Variants in BTBD1 observed in about 807,000 individuals in gnomAD.
BTBD1 encodes the protein BTB domain containing 1.
BTBD1 carries 34 observed loss-of-function variants against 48.0 expected under a neutral mutation model. That is an observed-to-expected ratio of 0.71 (90% confidence interval 0.54 to 0.94). The LOEUF is 0.94. BTBD1 is among the 40% of genes least tolerant of loss of function. BTBD1 has a pLI of 0.00. For synonymous variants in BTBD1, 261 were observed against 242.1 expected, an observed-to-expected ratio of 1.08 and a Z score of -0.72; for missense variants, 543 against 625.6, an observed-to-expected ratio of 0.87 and a Z score of 1.41.
intron 4 of BTBD1, among the ~76,000 whole-genome samples, chr15:83,036,563 AGC>A (rs1168197754): frequency 2.0e-5 from 3 of 152,198 alleles, no homozygotes; most frequent in African/African-American, 7.2e-5. Context: ...TCCATGACTT[AGC>A]AATTCCACTC....
In BTBD1 at chr15:83,066,692, CTCCCAGCCCGGCCCGGCCCGGCCCG is replaced by C. The variant is rs1400812643; in HGVS notation, c.401+34_401+58del. 903 of 1,234,634 alleles carry C rather than the reference CTCCCAGCCCGGCCCGGCCCGGCCCG, an allele frequency of 7.3e-4. 2 individuals are homozygous for C. The highest frequency in any genetic ancestry group is 1.3e-3 in the Admixed American group (24 of 18,452). The allele number at this position is 1,234,634 out of a possible 1,614,324, so 76.5% of individuals were successfully genotyped here. ...TCCGGGTAGGCCGGGCCCCGGGGAT[CTCCCAGCCCGGCCCGGCCCGGCCCG>C]GCCCGGCCCGGCCCGGCCCGCGCTG... On this transcript the variant is annotated intron_variant, in intron 1 of 7. Transcript: ENST00000261721.
intron 1 of BTBD1, among the ~76,000 whole-genome samples, chr15:83,059,146 ATC>A: frequency 6.6e-6 from 1 of 152,340 alleles, no homozygotes; most frequent in East Asian, 1.9e-4. Flanking sequence ...TTAAAAACTC[ATC>A]TAATTATCAG....
chr15:83,044,819 G>A, intron 3 of BTBD1: 1 of 1,128,508 alleles, frequency 8.9e-7, no homozygotes, highest in South Asian at 1.2e-5. Flanking sequence ...GAATGATCAA[G>A]CTCAGTTCAA....
At chr15:83,047,347 T>G (rs763478478) in intron 3 of BTBD1, among the ~76,000 whole-genome samples, 3 of 152,202 alleles carry the variant, frequency 2.0e-5, no homozygotes, top group Admixed American at 6.5e-5. Context: ...AGAAGGATCC[T>G]AATCAGAAGG....
chr15:83,018,806 GC>G lies in BTBD1; in HGVS notation c.1190del (p.Gly397AlafsTer19). The stretch of plus-strand genomic sequence containing the variant: ...TGTTAGCTGTCCCATCACAACTAAA[GC>G]CGGTATCATTCTGTCCCAGGGTTTG... ...KKQTLGQNDT[G>X]FSCDGTANTF... is the part of the protein sequence containing the mutation. On this transcript the variant is annotated frameshift_variant, in exon 7 of 8. Coordinates refer to ENST00000261721, the MANE Select transcript of BTBD1 (RefSeq NM_025238.4). LOFTEE classifies it high-confidence loss of function. The G allele has an allele frequency of 6.2e-7, 1 of 1,614,012 alleles. No homozygotes were observed. Among genetic ancestry groups the G allele is most frequent in the Non-Finnish European group, 8.5e-7 (1 of 1,179,898 alleles).
Position 83,067,125 on chromosome 15 carries a change from A to G in BTBD1, c.27T>C (p.Ala9=). The change falls in exon 1 of 8, where the codon GCT becomes GCC. Residue 9 remains alanine, a synonymous_variant. Transcript: ENST00000261721. ...CCTCAGCCCCCGACGCCTGCTCCCCAGCTGCGGCAGGCCCGAGTGAGGCCA... is the reference window on the plus strand; with the variant it reads ...CCTCAGCCCCCGACGCCTGCTCCCCGGCTGCGGCAGGCCCGAGTGAGGCCA... MASLGPAA[A]GEQASGAEAE... The G allele has an allele frequency of 6.9e-7, 1 of 1,448,290 alleles. No individual in the cohort carries two copies. The allele number at this position is 1,448,290 out of a possible 1,614,324, so 89.7% of individuals were successfully genotyped here.
chr15:83,058,678 C>T (rs2033127705), intron 1 of BTBD1, among the ~76,000 whole-genome samples: 1 of 151,998 alleles, frequency 6.6e-6, no homozygotes, highest in Admixed American at 6.5e-5. Flanking sequence ...GAAGTCTTTA[C>T]ATGCCTGCCT....
At chr15:83,041,168 G>GAA (rs542048466) in intron 4 of BTBD1, among the ~76,000 whole-genome samples, 1 of 104,850 alleles carries the variant, frequency 9.5e-6, no homozygotes, top group East Asian at 2.6e-4. Context: ...AGAAAAAAAA[G>GAA]AAAAAAAAAA....
At position 83,020,769 on chromosome 15, in the gene BTBD1, GAA is replaced by G. The variant is rs748488538; in HGVS notation, c.1056-9_1056-8del. On this transcript the variant is annotated splice_polypyrimidine_tract_variant and splice_region_variant and intron_variant, in intron 5 of 7. Transcript: ENST00000261721. ...CCTTCTATTAACTGTGAATCTGAGA[GAA>G]AGAAGCCAAAAATAAAATATAATTA... 1 of 1,538,650 alleles carries G rather than the reference GAA, an allele frequency of 6.5e-7. No individual in the cohort carries two copies. Among genetic ancestry groups the G allele is most frequent in the Non-Finnish European group, 9.0e-7 (1 of 1,115,922 alleles).
At chr15:83,025,712 A>G (rs2032391480) in intron 5 of BTBD1, among the ~76,000 whole-genome samples, 1 of 152,226 alleles carries the variant, frequency 6.6e-6, no homozygotes, top group South Asian at 2.1e-4. Flanking sequence ...TTACTCAATT[A>G]TAACTAAATT....
chr15:83,026,765 G>A (rs563239568), intron 5 of BTBD1, among the ~76,000 whole-genome samples: 12 of 152,048 alleles, frequency 7.9e-5, no homozygotes, highest in African/African-American at 2.2e-4. Context: ...GAGGTGATCC[G>A]CCCGCCTCGG....
intron 4 of BTBD1, among the ~76,000 whole-genome samples, chr15:83,031,522 A>C (rs2151302982): frequency 6.6e-6 from 1 of 152,286 alleles, no homozygotes; most frequent in South Asian, 2.1e-4. Context: ...GTAAACTATC[A>C]CAAGGACAAA....
chr15:83,023,417 T>C (rs2032339078), intron 5 of BTBD1, among the ~76,000 whole-genome samples: 1 of 152,234 alleles, frequency 6.6e-6, no homozygotes, highest in Non-Finnish European at 1.5e-5. Flanking sequence ...TCTTGCTCTG[T>C]CACCCGAACT....
intron 1 of BTBD1, among the ~76,000 whole-genome samples, chr15:83,059,818 C>T (rs1165282731): frequency 2.6e-5 from 4 of 152,154 alleles, no homozygotes; most frequent in Non-Finnish European, 5.9e-5. Context: ...TTTCAAACTC[C>T]TGGCCTCAAG....
intron 3 of BTBD1, among the ~76,000 whole-genome samples, chr15:83,045,005 G>A (rs78098438): frequency 0.032 from 4,860 of 152,082 alleles, 247 homozygotes; most frequent in African/African-American, 0.11. Flanking sequence ...CCTAAAAAAC[G>A]ACACTTCTAG....
intron 4 of BTBD1, among the ~76,000 whole-genome samples, chr15:83,033,134 A>C (rs980626932): frequency 6.6e-6 from 1 of 152,040 alleles, no homozygotes; most frequent in African/African-American, 2.4e-5. Context: ...CTGGGGTGGG[A>C]GGATTGTTTG....
rs143208206 is a variant in BTBD1, at chr15:83,030,203, A to G, written c.988T>C (p.Cys330Arg). Residue 330 changes from cysteine to arginine, a missense_variant, in exon 5 of 8, where the codon TGC becomes CGC. Physicochemically the swap from Cys to Arg is radical, Grantham distance 180. This residue lies in a region of BTBD1 where 300 missense variants were observed against 350.0 expected (regional missense o/e 0.86). Coordinates refer to ENST00000261721, the MANE Select transcript of BTBD1 (RefSeq NM_025238.4). ...ACTTGCTGGAATCTATTGATGCAGC[A>G]TTCCTTTCCCCTGAGACAGCATCTT... ...RPRCCLRGKE[C>R]CINRFQQVES... is the part of the protein sequence containing the mutation. 2 of 1,614,124 alleles carry G rather than the reference A, an allele frequency of 1.2e-6. No homozygotes were observed. The highest frequency in any genetic ancestry group is 1.7e-5 in the Admixed American group (1 of 60,010).
chr15:83,031,970 T>C (rs1352198342), intron 4 of BTBD1, among the ~76,000 whole-genome samples: 2 of 152,188 alleles, frequency 1.3e-5, no homozygotes, highest in African/African-American at 4.8e-5. Context: ...TCTTTTACAC[T>C]GCTGGTGGGA....
chr15:83,024,748 G>A (rs1329711125), intron 5 of BTBD1, among the ~76,000 whole-genome samples: 1 of 152,028 alleles, frequency 6.6e-6, no homozygotes, highest in Non-Finnish European at 1.5e-5. Context: ...GAGATTACAG[G>A]TGCATGCCAC....
Sources: allele counts gnomAD v4.1 joint callset (sites outside exome capture counted in the v4.1 genomes callset), GRCh38; gene constraint gnomAD v4.1.1; regional missense constraint gnomAD v4.1.1; transcripts MANE v1.5; gene names NCBI Gene and HGNC (gene_info 2026-07-23, HGNC 2026-07-21).